The following CLPX variants were observed in gnomAD, a reference collection of about 807,000 sequenced individuals.
CLPX encodes ATP-dependent clpX-like chaperone, mitochondrial.
In CLPX, 34 loss-of-function variants were observed where a neutral mutation model predicts 76.4. That is an observed-to-expected ratio of 0.45 (90% confidence interval 0.34 to 0.59). The LOEUF (loss-of-function observed/expected upper bound fraction) is 0.59. CLPX is among the 20% of genes least tolerant of loss of function. The pLI is 0.01. For synonymous variants in CLPX, 248 were observed against 270.9 expected (o/e 0.92, Z 0.83); for missense variants, 613 against 757.0 (o/e 0.81, Z 2.23).
intron 3 of CLPX, among the ~76,000 whole-genome samples, chr15:65,169,073 G>A (rs2087961348): frequency 6.7e-6 from 1 of 149,910 alleles, no homozygotes; most frequent in African/African-American, 2.5e-5. Flanking sequence ...GCCCAGGCTG[G>A]AGTGCAGTGG....
chr15:65,177,962 A>T (rs934429516), intron 3 of CLPX, among the ~76,000 whole-genome samples: 3 of 151,930 alleles, frequency 2.0e-5, no homozygotes, highest in African/African-American at 7.3e-5. Flanking sequence ...TGCCTAGCTA[A>T]TTTTATTTTT....
Position 65,185,309 on chromosome 15 carries a change from C to T in CLPX, c.-156G>A. ...CCTGCCCGGCAGCCAGGCCTTCACG[C>T]TTCTCTGCCCCACAGCCGTCTATTC... On this transcript the variant is annotated 5_prime_UTR_variant, in exon 1 of 14. Coordinates refer to ENST00000300107, the MANE Select transcript of CLPX (RefSeq NM_006660.5). 3.3e-6 allele frequency: 2 copies of T among 608,952 alleles called. No individual in the cohort carries two copies. Among genetic ancestry groups the T allele is most frequent in the East Asian group, 2.9e-5 (1 of 34,744 alleles). 37.7% of individuals were successfully genotyped at this position (608,952 alleles called of 1,614,324 possible). A position where few individuals can be genotyped will look rare whatever the true frequency, so the allele number is the denominator to read the frequency against.
intron 3 of CLPX, 72 bp from the exon 4 acceptor site, chr15:65,166,857 CACT>C: frequency 7.0e-7 from 1 of 1,427,200 alleles, no homozygotes; most frequent in East Asian, 2.3e-5. Flanking sequence ...TTAAAGACTC[CACT>C]GTAAATGAAA....
chr15:65,152,404 TG>T, intron 13 of CLPX, 25 bp downstream of exon 13: 1 of 1,145,072 alleles, frequency 8.7e-7, no homozygotes, highest in South Asian at 2.0e-5. Flanking sequence ...ATTTTGTATC[TG>T]TTCTGGCTTG....
intron 6 of CLPX, among the ~76,000 whole-genome samples, chr15:65,160,713 C>T (rs1340799802): frequency 6.7e-6 from 1 of 150,260 alleles, no homozygotes. Flanking sequence ...TACAGTGGAA[C>T]CACATAATCT....
intron 1 of CLPX, among the ~76,000 whole-genome samples, chr15:65,183,651 G>A (rs1447962907): frequency 6.6e-6 from 1 of 152,056 alleles, no homozygotes. Flanking sequence ...TATCTCCTAT[G>A]ATTCAAAAAT....
At chr15:65,183,233 C>A (rs576695564) in intron 1 of CLPX, among the ~76,000 whole-genome samples, 1 of 151,618 alleles carries the variant, frequency 6.6e-6, no homozygotes, top group African/African-American at 2.4e-5. Flanking sequence ...GAGGCCGAGG[C>A]GGACGGATCA....
intron 3 of CLPX, among the ~76,000 whole-genome samples, chr15:65,167,587 G>C (rs931135533): frequency 3.3e-5 from 5 of 151,788 alleles, no homozygotes; most frequent in African/African-American, 1.2e-4. Context: ...TTAAACCCAT[G>C]AGCATTTTTC....
At chr15:65,172,986 GC>G (rs2088031935) in intron 3 of CLPX, among the ~76,000 whole-genome samples, 1 of 152,168 alleles carries the variant, frequency 6.6e-6, no homozygotes, top group Non-Finnish European at 1.5e-5. Flanking sequence ...CTGCATCGTA[GC>G]CTGGGCGACA....
At chr15:65,180,285 G>A in intron 1 of CLPX, 81 bp from the exon 2 acceptor site, 1 of 1,107,630 alleles carries the variant, frequency 9.0e-7, no homozygotes, top group Non-Finnish European at 1.3e-6. Context: ...TGAGCATAAA[G>A]GAGGTTGAAA....
At chr15:65,170,822 C>CTTTT (rs749248279) in intron 3 of CLPX, among the ~76,000 whole-genome samples, 98 of 118,562 alleles carry the variant, frequency 8.3e-4, no homozygotes, top group Non-Finnish European at 1.2e-3. Context: ...TTCTGTTCTT[C>CTTTT]TTTTTTTTTT....
Position 65,180,051 on chromosome 15 carries a change from C to A in CLPX, c.233G>T (p.Gly78Val). 6.3e-7 allele frequency: 1 copy of A among 1,597,710 alleles called. No individual in the cohort carries two copies. Among genetic ancestry groups the A allele is most frequent in the Admixed American group, 1.7e-5 (1 of 57,450 alleles). ...ATAAGATAAAATAATTACCTTATTT[C>A]CATCTCCAGAACCATCTTTACTTAT... ...DGISKDGSGD[G>V]NKKSASEGSS... The change falls in exon 2 of 14, where the codon GGA becomes GTA. Residue 78 changes from glycine (G) to valine (V), a missense_variant. Physicochemically the swap from Gly to Val is moderately radical, Grantham distance 109. Coordinates refer to ENST00000300107, the MANE Select transcript of CLPX (RefSeq NM_006660.5).
intron 6 of CLPX, among the ~76,000 whole-genome samples, chr15:65,159,914 G>A (rs2087832374): frequency 6.6e-6 from 1 of 151,634 alleles, no homozygotes; most frequent in Non-Finnish European, 1.5e-5. Flanking sequence ...CTGGGTTCAA[G>A]TGATTCTCCT....
chr15:65,168,383 C>CAAAAAAAAAAAAAAAAAAA (rs71136319), intron 3 of CLPX, among the ~76,000 whole-genome samples: 1 of 35,666 alleles, frequency 2.8e-5, no homozygotes. Context: ...GACTCTGTCT[C>CAAAAAAAAAAAAAAAAAAA]AAAAAAAAAA....
intron 1 of CLPX, among the ~76,000 whole-genome samples, chr15:65,183,460 C>CAAAAAAAAAAAAAAAAAAAAAA: frequency 1.5e-5 from 1 of 66,268 alleles, no homozygotes; most frequent in Non-Finnish European, 2.7e-5. Flanking sequence ...GACTCTGTCT[C>CAAAAAAAAAAAAAAAAAAAAAA]AAAAAAAAAA....
At chr15:65,154,233 C>G (rs1303183372) in intron 11 of CLPX, among the ~76,000 whole-genome samples, 1 of 151,954 alleles carries the variant, frequency 6.6e-6, no homozygotes, top group Non-Finnish European at 1.5e-5. Context: ...GACAGGCAGA[C>G]CAATTAAGAA....
At chr15:65,183,154 T>C (rs1007924031) in intron 1 of CLPX, among the ~76,000 whole-genome samples, 3 of 138,102 alleles carry the variant, frequency 2.2e-5, no homozygotes, top group Admixed American at 7.6e-5. Flanking sequence ...ACTTAGCAGA[T>C]TCCATCAAGA....
At chr15:65,173,157 G>A (rs1471053281) in intron 3 of CLPX, among the ~76,000 whole-genome samples, 1 of 152,144 alleles carries the variant, frequency 6.6e-6, no homozygotes, top group South Asian at 2.1e-4. Context: ...ATCACCTGAG[G>A]TCAGGAGTTC....
chr15:65,168,320 C>A (rs1383618893), intron 3 of CLPX, among the ~76,000 whole-genome samples: 2 of 119,714 alleles, frequency 1.7e-5, no homozygotes, highest in Non-Finnish European at 3.2e-5. Flanking sequence ...GGAGGTGGAG[C>A]TTGCAGTGAG....
Sources: gnomAD v4.1 joint callset for allele counts (sites outside exome capture counted in the v4.1 genomes callset) on GRCh38, gnomAD v4.1.1 for gene constraint, MANE v1.5 for transcripts, NCBI Gene and HGNC (gene_info 2026-07-23, HGNC 2026-07-21) for gene names.